Variants in KIAA0319 observed in about 807,000 individuals in gnomAD.
KIAA0319 encodes the protein dyslexia-associated protein KIAA0319.
In KIAA0319, 83 loss-of-function variants were observed where a neutral mutation model predicts 108.4. The observed-to-expected ratio is 0.77, with a 90% CI of 0.64 to 0.92. The LOEUF (loss-of-function observed/expected upper bound fraction) is 0.92. Among genes scored for constraint, KIAA0319 ranks in the 40% least tolerant of loss-of-function variants. The probability of loss-of-function intolerance (pLI) is 0.00; values close to 1 mark genes in which losing one functional copy is unlikely to be tolerated. For missense variants in KIAA0319, 1,195 were observed against 1,322.4 expected (o/e 0.90, Z 1.49); for synonymous variants, 484 against 510.4 (o/e 0.95, Z 0.70).
downstream of KIAA0319, among the ~76,000 whole-genome samples, chr6:24,541,130 T>C (rs192687051): frequency 6.6e-6 from 1 of 152,298 alleles, no homozygotes; most frequent in African/African-American, 2.4e-5. Flanking sequence ...TTCCTTTCAC[T>C]ATTATATACA....
Position 24,576,366 on chromosome 6 carries a change from G to C in KIAA0319, c.1734+2C>G, listed in dbSNP as rs769520181. ...AGTCTGAAGGCAGGATGGAGAACTT[G>C]CCTGCATGACCACATGTTTGCCCTC... On this transcript the variant is annotated splice_donor_variant, in intron 10 of 20. Transcript: ENST00000378214. LOFTEE classifies it high-confidence loss of function. 6.2e-7 allele frequency: 1 copy of C among 1,612,002 alleles called. No individual in the cohort carries two copies. Among genetic ancestry groups the C allele is most frequent in the Non-Finnish European group, 8.5e-7 (1 of 1,178,066 alleles).
chr6:24,558,513 T>C (rs887573565), intron 17 of KIAA0319, among the ~76,000 whole-genome samples: 1 of 152,178 alleles, frequency 6.6e-6, no homozygotes, highest in Non-Finnish European at 1.5e-5. Flanking sequence ...AAGAGATTCA[T>C]GTTACTCATG....
intron 4 of KIAA0319, among the ~76,000 whole-genome samples, chr6:24,588,140 G>C (rs900408495): frequency 6.6e-6 from 1 of 152,220 alleles, no homozygotes; most frequent in Non-Finnish European, 1.5e-5. Flanking sequence ...GGGAAGCACT[G>C]AGCATATTGC....
intron 16 of KIAA0319, among the ~76,000 whole-genome samples, chr6:24,559,963 CCTT>C (rs1762876593): frequency 6.6e-6 from 1 of 152,152 alleles, no homozygotes; most frequent in Admixed American, 6.6e-5. Context: ...CAATATGAGA[CCTT>C]CTGTGTGTGG....
chr6:24,550,035 G>A (rs1204694912), intron 20 of KIAA0319, among the ~76,000 whole-genome samples: 3 of 152,140 alleles, frequency 2.0e-5, no homozygotes, highest in African/African-American at 4.8e-5. Context: ...TTAGGTAAAC[G>A]TCACTATAAT....
chr6:24,580,730 C>A (rs568819304), intron 7 of KIAA0319, among the ~76,000 whole-genome samples, 196 bp downstream of exon 7: 41 of 151,864 alleles, frequency 2.7e-4, no homozygotes, highest in Non-Finnish European at 5.4e-4. Flanking sequence ...CCTTGTCAAG[C>A]AAGTACAAAG....
At chr6:24,542,220 C>G (rs934847466), downstream of KIAA0319, among the ~76,000 whole-genome samples, 1 of 152,196 alleles carries the variant, frequency 6.6e-6, no homozygotes, top group African/African-American at 2.4e-5. Flanking sequence ...TGTTCCTTTA[C>G]TTAGCCTAGT....
intron 16 of KIAA0319, among the ~76,000 whole-genome samples, chr6:24,561,109 A>G (rs1399328934): frequency 1.3e-5 from 2 of 152,250 alleles, no homozygotes; most frequent in Non-Finnish European, 1.5e-5. Flanking sequence ...GTTATGGTCT[A>G]TAAACCTTGT....
At chr6:24,579,251 C>T (rs1396905645) in intron 8 of KIAA0319, among the ~76,000 whole-genome samples, 3 of 151,828 alleles carry the variant, frequency 2.0e-5, no homozygotes, top group Admixed American at 2.0e-4. Context: ...GCCCCTTCCA[C>T]ATATACTCCC....
rs529572911 is a variant in KIAA0319 at position 24,620,261 on chromosome 6, A to C, written c.-105-19053T>G. 3.3e-5 allele frequency among the ~76,000 whole-genome samples: 5 copies of C among 152,286 alleles called. No individual in the cohort carries two copies. In the South Asian group the frequency reaches 8.3e-4, roughly 25 times the overall value. ...AAGATCCCAAACATGAGGCCTCTTC[A>C]ATTTTTATATATAAAAAAAGGAAAT... On this transcript the variant is annotated intron_variant, in intron 1 of 20. Coordinates refer to ENST00000378214, the MANE Select transcript of KIAA0319 (RefSeq NM_014809.4).
intron 19 of KIAA0319, among the ~76,000 whole-genome samples, chr6:24,554,196 T>C (rs1378814093): frequency 6.6e-6 from 1 of 152,228 alleles, no homozygotes; most frequent in African/African-American, 2.4e-5. Context: ...GTTGCTTGAC[T>C]GGTGTGTGCG....
At chr6:24,543,834 T>C (rs1443227285), downstream of KIAA0319, among the ~76,000 whole-genome samples, 1 of 152,222 alleles carries the variant, frequency 6.6e-6, no homozygotes, top group Non-Finnish European at 1.5e-5. Flanking sequence ...CTGTGGGCCT[T>C]CTGGCACGAG....
intron 5 of KIAA0319, among the ~76,000 whole-genome samples, 153 bp downstream of exon 5, chr6:24,583,451 T>C (rs1228862752): frequency 6.6e-6 from 1 of 152,256 alleles, no homozygotes; most frequent in Non-Finnish European, 1.5e-5. Flanking sequence ...CAAATGTTGA[T>C]GCTTAAGAAT....
downstream of KIAA0319, among the ~76,000 whole-genome samples, chr6:24,540,215 T>C (rs1264342702): frequency 2.3e-5 from 2 of 85,704 alleles, no homozygotes; most frequent in Non-Finnish European, 5.5e-5. Context: ...ACCAGTAGCA[T>C]AGTCACTTAT....
At chr6:24,603,903 C>G (rs1012959180) in intron 1 of KIAA0319, among the ~76,000 whole-genome samples, 9 of 152,108 alleles carry the variant, frequency 5.9e-5, no homozygotes, top group Admixed American at 6.5e-5. Context: ...TCGACCACAC[C>G]GAGCACAGCT....
At chr6:24,626,586 T>C (rs1451816076) in intron 1 of KIAA0319, among the ~76,000 whole-genome samples, 7 of 152,210 alleles carry the variant, frequency 4.6e-5, no homozygotes, top group African/African-American at 7.2e-5. Context: ...ACTGTGAATA[T>C]ACTAAAAGCT....
intron 16 of KIAA0319, among the ~76,000 whole-genome samples, chr6:24,560,228 A>T (rs565779133): frequency 6.6e-6 from 1 of 152,316 alleles, no homozygotes; most frequent in South Asian, 2.1e-4. Context: ...CTAGGAGTGG[A>T]ATTAATGGGT....
intron 10 of KIAA0319, among the ~76,000 whole-genome samples, chr6:24,574,428 C>A (rs1360098653): frequency 6.6e-6 from 1 of 152,126 alleles, no homozygotes; most frequent in East Asian, 1.9e-4. Context: ...CAGAGTGAGA[C>A]CCTGTTTCAT....
chr6:24,633,060 C>A (rs553431649), intron 1 of KIAA0319, among the ~76,000 whole-genome samples: 26 of 152,242 alleles, frequency 1.7e-4, no homozygotes, highest in Middle Eastern at 3.4e-3. Flanking sequence ...CCTTTTTCAA[C>A]TTCCTAGGAG....
Sources: gnomAD v4.1 joint callset for allele counts (sites outside exome capture counted in the v4.1 genomes callset) on GRCh38, gnomAD v4.1.1 for gene constraint, MANE v1.5 for transcripts, NCBI Gene and HGNC (gene_info 2026-07-23, HGNC 2026-07-21) for gene names.